Variants in TTC29 observed in about 807,000 individuals in gnomAD.
TTC29 encodes tetratricopeptide repeat protein 29.
In TTC29, 49 loss-of-function variants were observed where a neutral mutation model predicts 58.1. The observed-to-expected ratio is 0.84, with a 90% confidence interval of 0.67 to 1.07. TTC29 has a LOEUF of 1.07. TTC29 is among the 50% of genes least tolerant of loss of function. TTC29 has a pLI of 0.00. For synonymous variants in TTC29, 209 were observed against 196.8 expected (o/e 1.06, Z -0.52); for missense variants, 582 against 555.6 (o/e 1.05, Z -0.48).
intron 11 of TTC29, among the ~76,000 whole-genome samples, chr4:146,796,583 G>T (rs1026218603): frequency 1.3e-5 from 2 of 151,970 alleles, no homozygotes; most frequent in African/African-American, 4.8e-5. Context: ...TAGATTTTTT[G>T]GGTGGGAGGC....
At chr4:146,745,236 G>T (rs892175570) in intron 11 of TTC29, among the ~76,000 whole-genome samples, 8 of 152,220 alleles carry the variant, frequency 5.3e-5, no homozygotes, top group African/African-American at 1.9e-4. Context: ...AGGGCACAGG[G>T]CCTTTGGCTC....
intron 9 of TTC29, among the ~76,000 whole-genome samples, chr4:146,821,755 C>T (rs1751847093): frequency 6.6e-6 from 1 of 152,074 alleles, no homozygotes; most frequent in African/African-American, 2.4e-5. Flanking sequence ...AACTCCTGAC[C>T]CTTGGATATT....
intron 11 of TTC29, among the ~76,000 whole-genome samples, chr4:146,727,202 C>T (rs1743855631): frequency 6.6e-6 from 1 of 151,894 alleles, no homozygotes; most frequent in Admixed American, 6.6e-5. Context: ...TCTCTTTTTA[C>T]ATATTTTATT....
At chr4:146,856,907 A>G (rs1311338515) in intron 8 of TTC29, among the ~76,000 whole-genome samples, 1 of 151,838 alleles carries the variant, frequency 6.6e-6, no homozygotes, top group Non-Finnish European at 1.5e-5. Flanking sequence ...AAATATTAAG[A>G]TAACAATAAC....
chr4:146,855,168 G>A (rs1446427347), intron 8 of TTC29, among the ~76,000 whole-genome samples: 1 of 152,144 alleles, frequency 6.6e-6, no homozygotes, highest in Admixed American at 6.5e-5. Flanking sequence ...GGTGGCTCAT[G>A]CCTATAATCC....
intron 11 of TTC29, among the ~76,000 whole-genome samples, chr4:146,801,489 GTTTTA>G (rs1478662899): frequency 6.6e-6 from 1 of 151,984 alleles, no homozygotes; most frequent in Non-Finnish European, 1.5e-5. Flanking sequence ...GCAAAGGAGT[GTTTTA>G]TTTTATAGCA....
At chr4:146,737,117 T>C (rs1462385098) in intron 11 of TTC29, among the ~76,000 whole-genome samples, 2 of 152,138 alleles carry the variant, frequency 1.3e-5, no homozygotes, top group African/African-American at 4.8e-5. Context: ...TTTGGAAGAA[T>C]TGAACAGTGA....
chr4:146,787,999 C>T (rs1028294426), intron 11 of TTC29, among the ~76,000 whole-genome samples: 8 of 152,086 alleles, frequency 5.3e-5, no homozygotes, highest in African/African-American at 1.4e-4. Flanking sequence ...ATGCTGCCTA[C>T]GATGAGTAGC....
chr4:146,834,016 G>T (rs1728347138), intron 8 of TTC29, 119 bp from the exon 9 acceptor site: 3 of 613,676 alleles, frequency 4.9e-6, no homozygotes, highest in Non-Finnish European at 7.7e-6. Flanking sequence ...AAAAAATTTT[G>T]TTGATTAAAA....
intron 9 of TTC29, among the ~76,000 whole-genome samples, chr4:146,823,902 T>G (rs1369493954): frequency 6.6e-6 from 1 of 152,156 alleles, no homozygotes; most frequent in Non-Finnish European, 1.5e-5. Context: ...GCTCTCTGCT[T>G]GCCTACTGTT....
At chr4:146,935,241 T>C (rs1181698241) in intron 4 of TTC29, among the ~76,000 whole-genome samples, 1 of 152,092 alleles carries the variant, frequency 6.6e-6, no homozygotes, top group African/African-American at 2.4e-5. Flanking sequence ...CATGTGAGTT[T>C]AGGTTGGCAT....
At chr4:146,821,447 CT>C (rs1241424499) in intron 9 of TTC29, among the ~76,000 whole-genome samples, 1 of 151,976 alleles carries the variant, frequency 6.6e-6, no homozygotes, top group Non-Finnish European at 1.5e-5. Flanking sequence ...TAAAAAAAAA[CT>C]TTTAAAAGTT....
chr4:146,830,122 G>A (rs1298810951), intron 9 of TTC29, among the ~76,000 whole-genome samples: 1 of 152,118 alleles, frequency 6.6e-6, no homozygotes, highest in Non-Finnish European at 1.5e-5. Context: ...GCAATTGTTA[G>A]TATTTTAGAG....
intron 8 of TTC29, among the ~76,000 whole-genome samples, chr4:146,853,467 CA>C (rs1729639213): frequency 6.6e-6 from 1 of 152,014 alleles, no homozygotes. Flanking sequence ...CATTGTATTT[CA>C]GCATAGGATA....
chr4:146,791,156 T>A (rs1283313065), intron 11 of TTC29, among the ~76,000 whole-genome samples: 1 of 152,208 alleles, frequency 6.6e-6, no homozygotes, highest in Non-Finnish European at 1.5e-5. Context: ...TATTTCAAAT[T>A]TCCTTTAATT....
At chr4:146,733,382 T>C (rs1257534158) in intron 11 of TTC29, among the ~76,000 whole-genome samples, 2 of 152,158 alleles carry the variant, frequency 1.3e-5, no homozygotes, top group Non-Finnish European at 2.9e-5. Context: ...GATATACTTC[T>C]GTAAGTATAT....
At chr4:146,751,914 A>C (rs1224627533) in intron 11 of TTC29, among the ~76,000 whole-genome samples, 2 of 152,096 alleles carry the variant, frequency 1.3e-5, no homozygotes, top group African/African-American at 4.8e-5. Flanking sequence ...TTTTTGAGAA[A>C]ATAAACAAAA....
intron 11 of TTC29, among the ~76,000 whole-genome samples, chr4:146,736,578 A>T (rs1221696104): frequency 6.6e-6 from 1 of 152,198 alleles, no homozygotes; most frequent in Non-Finnish European, 1.5e-5. Flanking sequence ...CAAATTCTCC[A>T]TCTGATAGCC....
chr4:146,744,015 T>C (rs1317753809), intron 11 of TTC29, among the ~76,000 whole-genome samples: 4 of 152,154 alleles, frequency 2.6e-5, no homozygotes, highest in African/African-American at 2.4e-5. Flanking sequence ...TGACCAGATA[T>C]GATTCATTGG....
Sources: gnomAD v4.1 joint callset for allele counts (sites outside exome capture counted in the v4.1 genomes callset) on GRCh38, gnomAD v4.1.1 for gene constraint, MANE v1.5 for transcripts, NCBI Gene and HGNC (gene_info 2026-07-23, HGNC 2026-07-21) for gene names.